Variants in RAB11FIP4 observed in about 807,000 individuals in gnomAD.
RAB11FIP4 encodes the protein rab11 family-interacting protein 4.
RAB11FIP4 carries 23 observed loss-of-function variants against 74.3 expected under a neutral mutation model. That is an observed-to-expected ratio of 0.31 (90% CI 0.22 to 0.44). The LOEUF (loss-of-function observed/expected upper bound fraction) is 0.44. RAB11FIP4 is among the 20% of genes least tolerant of loss of function. The probability of loss-of-function intolerance (pLI) is 1.00; values close to 1 mark genes in which losing one functional copy is unlikely to be tolerated. For missense variants in RAB11FIP4, 630 were observed against 863.9 expected, an observed-to-expected ratio of 0.73 and a Z score of 3.39; for synonymous variants, 360 against 359.9, an observed-to-expected ratio of 1.00 and a Z score of 0.00.
At chr17:31,395,400 G>A (rs1274161174) in intron 1 of RAB11FIP4, among the ~76,000 whole-genome samples, 1 of 152,184 alleles carries the variant, frequency 6.6e-6, no homozygotes, top group African/African-American at 2.4e-5. Flanking sequence ...TTGGAAAGTG[G>A]GGGGAACAGC....
intron 3 of RAB11FIP4, among the ~76,000 whole-genome samples, chr17:31,482,543 A>G (rs2071859459): frequency 6.6e-6 from 1 of 152,008 alleles, no homozygotes; most frequent in Admixed American, 6.6e-5. Context: ...GTGAGCAAAG[A>G]TCGCACCACT....
chr17:31,531,592 A>C, intron 14 of RAB11FIP4, 24 bp from the exon 15 acceptor site: 1 of 1,535,184 alleles, frequency 6.5e-7, no homozygotes, highest in South Asian at 1.1e-5. Flanking sequence ...CCAGCCACTG[A>C]CCCGTCTTTC....
At chr17:31,458,679 C>T (rs538030382) in intron 3 of RAB11FIP4, among the ~76,000 whole-genome samples, 3 of 152,318 alleles carry the variant, frequency 2.0e-5, no homozygotes, top group South Asian at 2.1e-4. Context: ...CACCTCTGGG[C>T]CTCCCAGCAC....
chr17:31,431,093 C>G (rs972407071), intron 1 of RAB11FIP4, among the ~76,000 whole-genome samples: 2 of 152,024 alleles, frequency 1.3e-5, no homozygotes, highest in Non-Finnish European at 2.9e-5. Flanking sequence ...ATTGTAAAAG[C>G]AAAAAGCTGG....
chr17:31,486,093 G>A (rs1275685463), intron 3 of RAB11FIP4, among the ~76,000 whole-genome samples: 2 of 152,054 alleles, frequency 1.3e-5, no homozygotes, highest in Non-Finnish European at 2.9e-5. Flanking sequence ...AATTAGCTGG[G>A]CGTGGTGGCA....
chr17:31,536,561 C>G lies in RAB11FIP4; in HGVS notation c.*4829C>G, dbSNP rs2038980383. On this transcript the variant is annotated 3_prime_UTR_variant, in exon 15 of 15. Transcript: ENST00000621161. ...GCCCTCCCTTTGGGACCCAGGAAAT[C>G]CCCTCTAGGGTGACGCTGCTGGCTA... 6.4e-6 allele frequency: 1 copy of G among 157,146 alleles called. No homozygotes were observed. Among genetic ancestry groups the G allele is most frequent in the African/African-American group, 2.4e-5 (1 of 41,670 alleles). The allele number at this position is 157,146 out of a possible 1,614,324, so 9.7% of individuals were successfully genotyped here. A position where few individuals can be genotyped will look rare whatever the true frequency, so the allele number is the denominator to read the frequency against.
intron 1 of RAB11FIP4, among the ~76,000 whole-genome samples, chr17:31,414,589 G>C (rs2071129514): frequency 6.6e-6 from 1 of 152,226 alleles, no homozygotes; most frequent in East Asian, 1.9e-4. Flanking sequence ...TGGAGGTGTT[G>C]GCGGTCCCAT....
intron 3 of RAB11FIP4, among the ~76,000 whole-genome samples, chr17:31,445,545 T>C (rs1375508961): frequency 1.0e-3 from 8 of 7,732 alleles, no homozygotes; most frequent in African/African-American, 3.4e-3. Flanking sequence ...TATATATATA[T>C]ATATATATAT....
rs1302217264 is a variant in RAB11FIP4, at chr17:31,535,549, G to C, written c.*3817G>C. The stretch of plus-strand genomic sequence containing the variant: ...TCAAAGTGGCTGTTGGGCTTGTCAA[G>C]CCCGTGGCTGAATGACAGTGAGCTC... On this transcript the variant is annotated 3_prime_UTR_variant, in exon 15 of 15. Coordinates refer to ENST00000621161, the MANE Select transcript of RAB11FIP4 (RefSeq NM_032932.6). 6.6e-6 allele frequency: 1 copy of C among 152,410 alleles called. No individual in the cohort carries two copies. The highest frequency in any genetic ancestry group is 1.5e-5 in the Non-Finnish European group (1 of 68,194). 9.4% of individuals were successfully genotyped at this position (152,410 alleles called of 1,614,324 possible). A position where few individuals can be genotyped will look rare whatever the true frequency, so the allele number is the denominator to read the frequency against.
intron 3 of RAB11FIP4, among the ~76,000 whole-genome samples, chr17:31,443,213 G>A (rs909535824): frequency 6.6e-6 from 1 of 152,088 alleles, no homozygotes; most frequent in African/African-American, 2.4e-5. Flanking sequence ...ATTGCCTGTC[G>A]ACATTCTCCA....
At chr17:31,531,521 G>A in intron 14 of RAB11FIP4, 95 bp from the exon 15 acceptor site, 1 of 805,746 alleles carries the variant, frequency 1.2e-6, no homozygotes, top group Non-Finnish European at 2.1e-6. Context: ...GCCCTCTATT[G>A]TCAGGCACTG....
intron 1 of RAB11FIP4, among the ~76,000 whole-genome samples, chr17:31,399,459 T>A (rs1477910727): frequency 6.6e-6 from 1 of 152,176 alleles, no homozygotes; most frequent in Non-Finnish European, 1.5e-5. Flanking sequence ...AACCCTGTCA[T>A]CCCAGCACTT....
At chr17:31,503,764 C>T (rs2072265660) in intron 3 of RAB11FIP4, among the ~76,000 whole-genome samples, 1 of 149,746 alleles carries the variant, frequency 6.7e-6, no homozygotes, top group Admixed American at 6.6e-5. Flanking sequence ...TCTGTTCGGG[C>T]TCCAGTTTCT....
At chr17:31,418,734 C>T (rs1283647720) in intron 1 of RAB11FIP4, among the ~76,000 whole-genome samples, 1 of 152,044 alleles carries the variant, frequency 6.6e-6, no homozygotes, top group Non-Finnish European at 1.5e-5. Context: ...TCCCAAAGTG[C>T]TGGGGTTACA....
At chr17:31,525,387 G>A (rs1050355656) in intron 10 of RAB11FIP4, 157 bp downstream of exon 10, 7 of 687,424 alleles carry the variant, frequency 1.0e-5, no homozygotes, top group Admixed American at 6.0e-5. Flanking sequence ...TTAATACCAC[G>A]AGAAACACAG....
chr17:31,517,191 C>CGGGGGGGGGG (rs537395833), intron 3 of RAB11FIP4, among the ~76,000 whole-genome samples: 4 of 42,770 alleles, frequency 9.4e-5, no homozygotes, highest in Admixed American at 2.2e-4. Flanking sequence ...GGAGGCGGTG[C>CGGGGGGGGGG]GGGGGGGGGG....
chr17:31,466,876 T>C (rs1272360126), intron 3 of RAB11FIP4, among the ~76,000 whole-genome samples: 3 of 152,180 alleles, frequency 2.0e-5, no homozygotes, highest in African/African-American at 7.2e-5. Context: ...AAGCTCAAGC[T>C]TTATTATGTC....
At chr17:31,438,245 T>G (rs1409899655) in intron 3 of RAB11FIP4, among the ~76,000 whole-genome samples, 1 of 151,992 alleles carries the variant, frequency 6.6e-6, no homozygotes, top group African/African-American at 2.4e-5. Flanking sequence ...ACTCGGGTGC[T>G]AAAGGCAATG....
At chr17:31,453,007 G>T (rs993057143) in intron 3 of RAB11FIP4, among the ~76,000 whole-genome samples, 6 of 152,154 alleles carry the variant, frequency 3.9e-5, no homozygotes, top group African/African-American at 1.4e-4. Flanking sequence ...GGTTTCAGGA[G>T]TACAGGTATA....
Sources: gnomAD v4.1 joint callset for allele counts (sites outside exome capture counted in the v4.1 genomes callset) on GRCh38, gnomAD v4.1.1 for gene constraint, MANE v1.5 for transcripts, NCBI Gene and HGNC (gene_info 2026-07-23, HGNC 2026-07-21) for gene names.